Variants in GALNT13 observed in about 807,000 individuals in gnomAD.
GALNT13 encodes the protein UDP-GalNAc:polypeptide N-acetylgalactosaminyltransferase 13.
GALNT13 carries 28 observed loss-of-function variants against 64.2 expected under a neutral mutation model. That is an observed-to-expected ratio of 0.44 (90% CI 0.32 to 0.60). GALNT13 has a LOEUF of 0.60. GALNT13 is among the 20% of genes least tolerant of loss of function. GALNT13 has a pLI of 0.05. For missense variants in GALNT13, 577 were observed against 669.8 expected (o/e 0.86, Z 1.53); for synonymous variants, 214 against 224.6 (o/e 0.95, Z 0.42).
chr2:153,833,938 C>T, the GALNT13 span, among the ~76,000 whole-genome samples: 1 of 152,028 alleles, frequency 6.6e-6, no homozygotes, highest in South Asian at 2.1e-4. Context: ...TATTGGACAG[C>T]CATACCTTTC....
the GALNT13 span, among the ~76,000 whole-genome samples, chr2:153,083,628 C>A: frequency 6.6e-6 from 1 of 151,818 alleles, no homozygotes; most frequent in African/African-American, 2.4e-5. Context: ...CCTGTAGATT[C>A]TGGATATTAG....
At chr2:153,301,320 A>AAAAAAAAAAAAAAAAAAAG in the GALNT13 span, among the ~76,000 whole-genome samples, 17 of 126,696 alleles carry the variant, frequency 1.3e-4, no homozygotes, top group South Asian at 2.3e-4. Flanking sequence ...AAAAAAAAAG[A>AAAAAAAAAAAAAAAAAAAG]AAAAAAAAAA....
chr2:153,913,844 A>G (rs1245774048), intron 2 of GALNT13, among the ~76,000 whole-genome samples: 1 of 151,672 alleles, frequency 6.6e-6, no homozygotes, highest in Non-Finnish European at 1.5e-5. Context: ...TGCTCAGAGG[A>G]CTCCAGTCTT....
At chr2:153,748,685 A>G in the GALNT13 span, among the ~76,000 whole-genome samples, 1 of 152,046 alleles carries the variant, frequency 6.6e-6, no homozygotes, top group South Asian at 2.1e-4. Context: ...CCCTTGTCAG[A>G]TGACTAGTTT....
chr2:154,093,472 G>A (rs553374108), intron 3 of GALNT13, among the ~76,000 whole-genome samples: 2 of 152,090 alleles, frequency 1.3e-5, no homozygotes. Context: ...AATGAATCGA[G>A]CATAGTTGTG....
chr2:154,139,333 A>G (rs1463632469), intron 3 of GALNT13, among the ~76,000 whole-genome samples: 3 of 151,514 alleles, frequency 2.0e-5, no homozygotes, highest in Non-Finnish European at 4.4e-5. Flanking sequence ...TTATTTTCAT[A>G]TGCATTATAG....
chr2:153,314,169 G>C, the GALNT13 span, among the ~76,000 whole-genome samples: 1 of 152,178 alleles, frequency 6.6e-6, no homozygotes, highest in Non-Finnish European at 1.5e-5. Flanking sequence ...GAGGATCTAA[G>C]CAGCATATTT....
chr2:153,739,623 T>G, the GALNT13 span, among the ~76,000 whole-genome samples: 2 of 69,354 alleles, frequency 2.9e-5, no homozygotes, highest in Non-Finnish European at 9.1e-5. Context: ...GAGATTTTAT[T>G]TATTATTTTA....
the GALNT13 span, among the ~76,000 whole-genome samples, chr2:153,274,570 G>A: frequency 6.6e-6 from 1 of 152,178 alleles, no homozygotes; most frequent in Non-Finnish European, 1.5e-5. Context: ...TGACACTGCT[G>A]TATATGCTGA....
At chr2:153,655,634 G>A in the GALNT13 span, among the ~76,000 whole-genome samples, 2 of 152,030 alleles carry the variant, frequency 1.3e-5, no homozygotes, top group Non-Finnish European at 2.9e-5. Flanking sequence ...CAGAATTATT[G>A]ATAACTTGAA....
chr2:154,408,960 C>A (rs1190668585), intron 10 of GALNT13, 24 bp from the exon 11 acceptor site: 3 of 1,392,698 alleles, frequency 2.2e-6, no homozygotes, highest in South Asian at 2.3e-5. Context: ...GTTTTATCCC[C>A]CCCCTTTTGT....
At chr2:153,776,463 C>T in the GALNT13 span, among the ~76,000 whole-genome samples, 1 of 152,200 alleles carries the variant, frequency 6.6e-6, no homozygotes, top group Admixed American at 6.5e-5. Context: ...AGCACCCTAG[C>T]TGTCTCCAAG....
chr2:154,045,842 C>T (rs1435079981), intron 3 of GALNT13, among the ~76,000 whole-genome samples: 2 of 152,238 alleles, frequency 1.3e-5, no homozygotes, highest in African/African-American at 2.4e-5. Flanking sequence ...ACTTACTCTT[C>T]TTCTCACTCA....
chr2:153,598,641 T>C, the GALNT13 span, among the ~76,000 whole-genome samples: 2 of 152,092 alleles, frequency 1.3e-5, no homozygotes, highest in African/African-American at 4.8e-5. Context: ...TGGCACATTG[T>C]AAGTACACAG....
At chr2:154,434,803 A>G (rs1192081235) in intron 11 of GALNT13, among the ~76,000 whole-genome samples, 2 of 152,220 alleles carry the variant, frequency 1.3e-5, no homozygotes, top group African/African-American at 2.4e-5. Context: ...TAGGATTCAT[A>G]CAAAGAGCTC....
At chr2:153,092,672 G>T in the GALNT13 span, among the ~76,000 whole-genome samples, 1 of 152,076 alleles carries the variant, frequency 6.6e-6, no homozygotes, top group Non-Finnish European at 1.5e-5. Context: ...ACTGAATTTT[G>T]TATGTTGATT....
the GALNT13 span, among the ~76,000 whole-genome samples, chr2:153,619,307 T>C: frequency 6.6e-6 from 1 of 152,084 alleles, no homozygotes; most frequent in African/African-American, 2.4e-5. Flanking sequence ...AAGACTCTAG[T>C]AAAAACTCTA....
At chr2:153,339,284 C>A in the GALNT13 span, among the ~76,000 whole-genome samples, 1 of 152,154 alleles carries the variant, frequency 6.6e-6, no homozygotes, top group African/African-American at 2.4e-5. Context: ...CAACACTTAT[C>A]ATTTACCTTT....
chr2:153,749,294 C>T, the GALNT13 span, among the ~76,000 whole-genome samples: 1 of 151,686 alleles, frequency 6.6e-6, no homozygotes, highest in Non-Finnish European at 1.5e-5. Flanking sequence ...TTTTGCTCAG[C>T]ATTGATTGCT....
Sources: allele counts gnomAD v4.1 joint callset (sites outside exome capture counted in the v4.1 genomes callset), GRCh38; gene constraint gnomAD v4.1.1; transcripts MANE v1.5; gene names NCBI Gene and HGNC (gene_info 2026-07-23, HGNC 2026-07-21).